HIVEP3: variants seen among roughly 807,000 people sequenced by gnomAD.
The protein encoded by HIVEP3 is HIVEP zinc finger 3.
A neutral mutation model predicts 152.8 loss-of-function variants in HIVEP3; 49 were observed. The observed-to-expected ratio is 0.32, with a 90% CI of 0.26 to 0.41. The LOEUF (loss-of-function observed/expected upper bound fraction) is 0.41. Among genes scored for constraint, HIVEP3 ranks in the 10% least tolerant of loss-of-function variants. The pLI is 1.00. For missense variants in HIVEP3, 2,790 were observed against 3,103.3 expected (o/e 0.90, Z 2.40); for synonymous variants, 1,269 against 1,289.0 (o/e 0.98, Z 0.33).
At chr1:41,911,471 C>T (rs903727996) in intron 1 of HIVEP3, among the ~76,000 whole-genome samples, 37 of 152,208 alleles carry the variant, frequency 2.4e-4, no homozygotes, top group African/African-American at 8.9e-4. Flanking sequence ...TCATATGACA[C>T]CATAGAATTC....
chr1:41,510,509 C>G lies in HIVEP3; in HGVS notation c.7163G>C (p.Ser2388Thr). 6.3e-7 allele frequency: 1 copy of G among 1,596,220 alleles called. No individual in the cohort carries two copies. Among genetic ancestry groups the G allele is most frequent in the Non-Finnish European group, 8.5e-7 (1 of 1,171,538 alleles). Residue 2388 changes from serine (S) to threonine (T), a missense_variant, in exon 9 of 9, where the codon AGT becomes ACT. By Grantham distance (58) the Ser-to-Thr change is moderately conservative (BLOSUM62 1). Transcript: ENST00000372583. The part of the protein sequence containing the change: ...TRQDSPKPSG[S>T]GEPRAHPHQP... Reference sequence around the variant, plus strand: ...ATGTGGATGTGCCCTGGGCTCCCCACTTCCTGAGGGCTTGGGGGAGTCCTG... The same window carrying G: ...ATGTGGATGTGCCCTGGGCTCCCCAGTTCCTGAGGGCTTGGGGGAGTCCTG...
chr1:41,587,376 A>G (rs1215950666), intron 3 of HIVEP3, among the ~76,000 whole-genome samples: 1 of 152,198 alleles, frequency 6.6e-6, no homozygotes, highest in African/African-American at 2.4e-5. Flanking sequence ...AAGACAGACA[A>G]ATCTCATTTC....
At chr1:41,537,610 G>T (rs771714632) in intron 5 of HIVEP3, among the ~76,000 whole-genome samples, 1 of 152,244 alleles carries the variant, frequency 6.6e-6, no homozygotes, top group African/African-American at 2.4e-5. Flanking sequence ...AGGTGGTACA[G>T]CCTGCTGAGC....
chr1:41,853,879 G>T (rs960791792), intron 1 of HIVEP3, among the ~76,000 whole-genome samples: 11 of 152,184 alleles, frequency 7.2e-5, no homozygotes, highest in Non-Finnish European at 1.5e-4. Context: ...GGCTGCTGAT[G>T]CCAGCTAGAG....
At chr1:41,707,329 C>A (rs190981122) in intron 1 of HIVEP3, among the ~76,000 whole-genome samples, 5 of 152,314 alleles carry the variant, frequency 3.3e-5, no homozygotes, top group Admixed American at 2.6e-4. Context: ...CTCTAGAAAC[C>A]AGAACTACCA....
intron 3 of HIVEP3, among the ~76,000 whole-genome samples, chr1:41,605,375 GCACACACACACACACA>G (rs57942643): frequency 1.6e-4 from 20 of 126,706 alleles, no homozygotes; most frequent in African/African-American, 5.7e-4. Flanking sequence ...ACGCACACGC[GCACACACACACACACA>G]CACACACACA....
chr1:41,807,722 G>T (rs1650718631), intron 1 of HIVEP3, among the ~76,000 whole-genome samples: 1 of 152,210 alleles, frequency 6.6e-6, no homozygotes, highest in Non-Finnish European at 1.5e-5. Context: ...GGTGAAAGAT[G>T]CTCTGGGAGG....
At chr1:41,915,828 C>T (rs1644862107) in intron 1 of HIVEP3, among the ~76,000 whole-genome samples, 2 of 152,206 alleles carry the variant, frequency 1.3e-5, no homozygotes, top group Admixed American at 1.3e-4. Context: ...CCAAGTCTGA[C>T]CCAGAATGCT....
chr1:41,531,540 G>A (rs867699215), intron 5 of HIVEP3, among the ~76,000 whole-genome samples: 750 of 38,156 alleles, frequency 0.02, 1 homozygote, highest in East Asian at 0.1. Flanking sequence ...GGAGGACAGG[G>A]GAGATGGAGG....
chr1:41,833,303 G>T (rs1054195764), intron 1 of HIVEP3, among the ~76,000 whole-genome samples: 1 of 152,134 alleles, frequency 6.6e-6, no homozygotes, highest in Non-Finnish European at 1.5e-5. Context: ...CTCCAGCATT[G>T]GTAGGAAACT....
chr1:41,851,553 G>A (rs1039471166), intron 1 of HIVEP3, among the ~76,000 whole-genome samples: 13 of 151,822 alleles, frequency 8.6e-5, no homozygotes, highest in Admixed American at 6.6e-5. Context: ...TGCCAGCCTC[G>A]GCCTCCCAAA....
chr1:41,656,328 A>T (rs918081705), intron 2 of HIVEP3, among the ~76,000 whole-genome samples: 1 of 152,234 alleles, frequency 6.6e-6, no homozygotes, highest in Non-Finnish European at 1.5e-5. Context: ...CCCTCAGGCC[A>T]GCCTGCAGCT....
At position 41,873,721 on chromosome 1, in the gene HIVEP3, A is replaced by AG. The variant is rs916747016; in HGVS notation, c.-801+44691dup. ...TCACTACCTTCAGAAAGGAAGAAGGAGGGAAAAAAGGACAGAGGGAAGGAG... is the reference window on the plus strand; with the variant it reads ...TCACTACCTTCAGAAAGGAAGAAGGAGGGGAAAAAAGGACAGAGGGAAGGAG... On this transcript the variant is annotated intron_variant, in intron 1 of 8. Coordinates refer to ENST00000372583, the MANE Select transcript of HIVEP3 (RefSeq NM_024503.5). This position sits in a 1 kb window ranked among gnomAD's most constrained non-coding sequence, Gnocchi z 4.2. Among the ~76,000 whole-genome samples the AG allele has an allele frequency of 8.5e-5, 13 of 152,328 alleles. No individual in the cohort carries two copies. The highest frequency in any genetic ancestry group is 2.6e-4 in the African/African-American group (11 of 41,566).
At chr1:42,033,334 A>G (rs548672702) in intron 1 of HIVEP3, among the ~76,000 whole-genome samples, 2 of 152,178 alleles carry the variant, frequency 1.3e-5, no homozygotes, top group Non-Finnish European at 2.9e-5. Flanking sequence ...TTTTTTTTTA[A>G]TTACAAAAGT....
At chr1:41,933,993 A>G (rs1264446194) in intron 1 of HIVEP3, among the ~76,000 whole-genome samples, 1 of 152,092 alleles carries the variant, frequency 6.6e-6, no homozygotes, top group Admixed American at 6.6e-5. Context: ...ACCAGTATCC[A>G]AAGAGTGATA....
intron 1 of HIVEP3, among the ~76,000 whole-genome samples, chr1:41,957,870 T>TA (rs1645148151): frequency 6.6e-6 from 1 of 152,198 alleles, no homozygotes; most frequent in South Asian, 2.1e-4. Flanking sequence ...TTTGAAAAGC[T>TA]AAAACTGATC....
chr1:41,855,520 C>T (rs951181366), intron 1 of HIVEP3, among the ~76,000 whole-genome samples: 1 of 152,112 alleles, frequency 6.6e-6, no homozygotes, highest in African/African-American at 2.4e-5. Context: ...AAACAAACAA[C>T]CCCATCAAAA....
chr1:41,741,550 C>G (rs779912480), intron 1 of HIVEP3, among the ~76,000 whole-genome samples: 1 of 152,230 alleles, frequency 6.6e-6, no homozygotes, highest in African/African-American at 2.4e-5. Flanking sequence ...AATCCTCACC[C>G]CCATCCTTGG....
intron 1 of HIVEP3, among the ~76,000 whole-genome samples, chr1:41,841,856 G>A (rs552393950): frequency 8.5e-5 from 13 of 152,266 alleles, no homozygotes; most frequent in African/African-American, 2.6e-4. Flanking sequence ...TTGGGAAGCC[G>A]AGGCAGGTGG....
Sources: allele counts gnomAD v4.1 joint callset (sites outside exome capture counted in the v4.1 genomes callset), GRCh38; gene constraint gnomAD v4.1.1; non-coding constraint Gnocchi (gnomAD v3.1); transcripts MANE v1.5; gene names NCBI Gene and HGNC (gene_info 2026-07-23, HGNC 2026-07-21).